The following ASB14 variants were observed in gnomAD, a reference collection of about 807,000 sequenced individuals.
ASB14 encodes ankyrin repeat and SOCS box containing 14.
A neutral mutation model predicts 55.6 loss-of-function variants in ASB14; 63 were observed. The ratio of observed to expected loss-of-function variants is 1.13; its 90% CI spans 0.92 to 1.40. The LOEUF is 1.40. ASB14 is among the 40% of genes most tolerant of loss of function. The pLI, the probability that ASB14 is intolerant of heterozygous loss-of-function variation, is 0.00. For synonymous variants in ASB14, 256 were observed against 259.9 expected (o/e 0.98, Z 0.15); for missense variants, 724 against 710.4 (o/e 1.02, Z -0.22).
chr3:57,287,033 G>A (rs2061086005), intron 5 of ASB14, among the ~76,000 whole-genome samples: 1 of 151,992 alleles, frequency 6.6e-6, no homozygotes, highest in Non-Finnish European at 1.5e-5. Context: ...CTAACATCTT[G>A]TTCTTATTAA....
Position 57,289,136 on chromosome 3 carries a change from AAAT to A in ASB14, c.123-16_123-14del. 6.6e-7 allele frequency: 1 copy of A among 1,507,908 alleles called. No individual in the cohort carries two copies. Among genetic ancestry groups the A allele is most frequent in the Non-Finnish European group, 8.9e-7 (1 of 1,120,390 alleles). 93.4% of individuals were successfully genotyped at this position (1,507,908 alleles called of 1,614,324 possible). A position where few individuals can be genotyped will look rare whatever the true frequency, so the allele number is the denominator to read the frequency against. ...AAAGGAATGCAAACTGCAAAGAAAA[AAAT>A]ACATATGTAATTCCAAAACTGAGGA... On this transcript the variant is annotated splice_polypyrimidine_tract_variant and intron_variant, in intron 2 of 10. Coordinates refer to ENST00000487349, the MANE Select transcript of ASB14 (RefSeq NM_001142733.3).
intron 7 of ASB14, 38 bp downstream of exon 7, chr3:57,280,264 C>G: frequency 2.3e-6 from 3 of 1,320,014 alleles, no homozygotes; most frequent in Middle Eastern, 2.5e-4. Context: ...GTAGCTATTA[C>G]TGTTTTTATT....
intron 5 of ASB14, among the ~76,000 whole-genome samples, chr3:57,285,769 C>A (rs1314312671): frequency 6.6e-6 from 1 of 152,132 alleles, no homozygotes; most frequent in Non-Finnish European, 1.5e-5. Flanking sequence ...CTTGAAGAAG[C>A]CTCTACCTGG....
chr3:57,284,553 A>G (rs7629651), intron 5 of ASB14, among the ~76,000 whole-genome samples: 12,833 of 152,264 alleles, frequency 0.084, 1,805 homozygotes, highest in African/African-American at 0.29. Context: ...ACCTATCAAT[A>G]GGGACATGCT....
At chr3:57,269,889 C>G in intron 10 of ASB14, 3 of 523,564 alleles carry the variant, frequency 5.7e-6, no homozygotes, top group Non-Finnish European at 9.7e-6. Context: ...ACATAATGTA[C>G]TATGTATTAA....
At chr3:57,289,572 G>A (rs968574425) in intron 2 of ASB14, among the ~76,000 whole-genome samples, 2 of 151,942 alleles carry the variant, frequency 1.3e-5, no homozygotes, top group Admixed American at 1.3e-4. Flanking sequence ...CAGTCAGAAT[G>A]TGTGCTCAGA....
chr3:57,280,598 G>T (rs1208458078), intron 6 of ASB14, 125 bp from the exon 7 acceptor site: 2 of 728,990 alleles, frequency 2.7e-6, no homozygotes, highest in Non-Finnish European at 2.1e-6. Flanking sequence ...AAAGCACCAA[G>T]AATCAAAGTA....
intron 6 of ASB14, among the ~76,000 whole-genome samples, chr3:57,280,843 A>T (rs974303470): frequency 1.3e-5 from 2 of 152,204 alleles, no homozygotes; most frequent in Admixed American, 1.3e-4. Context: ...CAAATCTATC[A>T]AACTATAATA....
intron 2 of ASB14, among the ~76,000 whole-genome samples, chr3:57,291,225 A>G (rs971879672): frequency 6.6e-6 from 1 of 151,354 alleles, no homozygotes; most frequent in African/African-American, 2.4e-5. Context: ...TGGGGTTAAA[A>G]GACATTTTTC....
At position 57,269,456 on chromosome 3, in the gene ASB14, G is replaced by C. The variant is rs1324845587; in HGVS notation, c.*185C>G. The C allele has an allele frequency of 7.1e-7, 1 of 1,412,958 alleles. No individual in the cohort carries two copies. The highest frequency in any genetic ancestry group is 2.3e-5 in the East Asian group (1 of 43,152). 87.5% of individuals were successfully genotyped at this position (1,412,958 alleles called of 1,614,324 possible). A position where few individuals can be genotyped will look rare whatever the true frequency, so the allele number is the denominator to read the frequency against. ...CATACATATTTATGACAGAAGAAGT[G>C]GCTCTCAAGAATGTATCTTAACTGC... On this transcript the variant is annotated 3_prime_UTR_variant, in exon 11 of 11. Coordinates refer to ENST00000487349, the MANE Select transcript of ASB14 (RefSeq NM_001142733.3).
At chr3:57,291,024 T>G (rs1236302472) in intron 2 of ASB14, among the ~76,000 whole-genome samples, 8 of 152,144 alleles carry the variant, frequency 5.3e-5, no homozygotes, top group Non-Finnish European at 1.2e-4. Flanking sequence ...CTCACTTTCC[T>G]CCTCTCTAAG....
intron 9 of ASB14, among the ~76,000 whole-genome samples, chr3:57,277,490 C>T (rs552443081): frequency 1.6e-4 from 25 of 152,112 alleles, no homozygotes; most frequent in Non-Finnish European, 2.4e-4. Flanking sequence ...CTTTTCATTC[C>T]GGTGTCCATG....
chr3:57,271,736 G>A (rs2060941510), intron 10 of ASB14: 1 of 152,208 alleles, frequency 6.6e-6, no homozygotes, highest in Admixed American at 6.5e-5. Context: ...CAGACTTAGG[G>A]ATGCTGGACA....
chr3:57,283,479 G>T (rs2061055130), intron 5 of ASB14, 40 bp from the exon 6 acceptor site: 1 of 1,533,238 alleles, frequency 6.5e-7, no homozygotes, highest in South Asian at 1.2e-5. Context: ...TCAACGGGAA[G>T]TTAAGCCCAA....
chr3:57,275,943 A>G (rs2107619481), intron 10 of ASB14, among the ~76,000 whole-genome samples: 1 of 152,348 alleles, frequency 6.6e-6, no homozygotes, highest in East Asian at 1.9e-4. Context: ...GAAACATTGT[A>G]TGATACGTAA....
rs773254465 is a variant in ASB14, at chr3:57,277,914, C to T, written c.1438G>A (p.Glu480Lys). The change falls in exon 9 of 11, where the codon GAA (glutamate) becomes AAA (lysine). Residue 480 changes from glutamate to lysine, a missense_variant. Transcript: ENST00000487349. ...TGCAGCCATGACAAAGTTATTACTT[C>T]ACAGAACTGAGGGAAACAAAATCAG... ...STVIKDTKFC[E>K]VITLSWLQHL... 1 of 1,611,264 alleles carries T rather than the reference C, an allele frequency of 6.2e-7. No individual in the cohort carries two copies. The highest frequency in any genetic ancestry group is 1.1e-5 in the South Asian group (1 of 90,278).
At position 57,283,200 on chromosome 3, in the gene ASB14, G is replaced by T; in HGVS notation, c.709C>A (p.Arg237=). The change falls in exon 6 of 11, where the codon CGG becomes AGG. Residue 237 remains arginine, a synonymous_variant. Transcript: ENST00000487349. ...ACCAAACAGAAGATCTTGCCTTTCC[G>T]CAGTAACATTTCCATGATTTCAGTG... ...GHTEIMEMLL[R]KGANAHGQAS... 1 of 1,552,010 alleles carries T rather than the reference G, an allele frequency of 6.4e-7. No homozygotes were observed. Among genetic ancestry groups the T allele is most frequent in the Non-Finnish European group, 8.7e-7 (1 of 1,146,944 alleles).
intron 10 of ASB14, among the ~76,000 whole-genome samples, chr3:57,275,113 C>A (rs1476523083): frequency 6.6e-6 from 1 of 152,132 alleles, no homozygotes; most frequent in South Asian, 2.1e-4. Context: ...GGCCCCTTAT[C>A]GCTGGTTTCC....
rs1285903775 is a variant in ASB14 at position 57,291,352 on chromosome 3, C to T, written c.122+560G>A. On this transcript the variant is annotated intron_variant, in intron 2 of 10. Coordinates refer to ENST00000487349, the MANE Select transcript of ASB14 (RefSeq NM_001142733.3). Reference sequence around the variant, plus strand: ...CCAAGGTTGCTGATTGGCCAGCGAGCGTGTGAGCAGGTGTGCCATATCCAG... The same window carrying T: ...CCAAGGTTGCTGATTGGCCAGCGAGTGTGTGAGCAGGTGTGCCATATCCAG... Among the ~76,000 whole-genome samples, 2 of 151,692 alleles carry T rather than the reference C, an allele frequency of 1.3e-5. 1 individual carries two copies.
Sources: gnomAD v4.1 joint callset for allele counts (sites outside exome capture counted in the v4.1 genomes callset) on GRCh38, gnomAD v4.1.1 for gene constraint, MANE v1.5 for transcripts, NCBI Gene and HGNC (gene_info 2026-07-23, HGNC 2026-07-21) for gene names.